SUCLG2: variants seen among roughly 807,000 people sequenced by gnomAD.
The protein encoded by SUCLG2 is succinate-CoA ligase GDP-forming subunit beta.
A neutral mutation model predicts 47.9 loss-of-function variants in SUCLG2; 42 were observed. The observed-to-expected ratio is 0.88, with a 90% confidence interval of 0.69 to 1.14. The LOEUF is 1.14. Among genes scored for constraint, SUCLG2 ranks in the 50% most tolerant of loss-of-function variants. SUCLG2 has a pLI of 0.00. For synonymous variants in SUCLG2, 195 were observed against 197.3 expected (o/e 0.99, Z 0.10); for missense variants, 571 against 525.9 (o/e 1.09, Z -0.84).
At chr3:67,494,064 A>G (rs943106795) in intron 9 of SUCLG2, among the ~76,000 whole-genome samples, 1 of 152,212 alleles carries the variant, frequency 6.6e-6, no homozygotes, top group Admixed American at 6.5e-5. Flanking sequence ...CAAAAACATA[A>G]GGCCACCAAC....
At chr3:67,577,907 T>A (rs1051204628) in intron 2 of SUCLG2, among the ~76,000 whole-genome samples, 2 of 152,202 alleles carry the variant, frequency 1.3e-5, no homozygotes, top group Non-Finnish European at 2.9e-5. Flanking sequence ...TCAGGAAGGA[T>A]ACCCTCTCAA....
chr3:67,646,120 G>A (rs925133137), intron 1 of SUCLG2, among the ~76,000 whole-genome samples: 4 of 148,456 alleles, frequency 2.7e-5, no homozygotes, highest in African/African-American at 9.9e-5. Flanking sequence ...AGAGGGGAGG[G>A]GAGGGGAGAA....
At chr3:67,543,101 G>A (rs2107178504) in intron 2 of SUCLG2, among the ~76,000 whole-genome samples, 1 of 152,252 alleles carries the variant, frequency 6.6e-6, no homozygotes, top group East Asian at 1.9e-4. Context: ...CAAAAGAATG[G>A]AAATCATAAC....
chr3:67,500,833 T>C (rs951845049), intron 7 of SUCLG2, among the ~76,000 whole-genome samples: 5 of 152,154 alleles, frequency 3.3e-5, no homozygotes, highest in Non-Finnish European at 5.9e-5. Context: ...TTGGTTGAGA[T>C]CAATAAACAA....
At chr3:67,523,291 A>G (rs1482649933) in intron 4 of SUCLG2, among the ~76,000 whole-genome samples, 1 of 152,216 alleles carries the variant, frequency 6.6e-6, no homozygotes, top group Non-Finnish European at 1.5e-5. Context: ...TGAATTTACC[A>G]TTAGTTAAAA....
chr3:67,609,351 C>T, intron 2 of SUCLG2, 104 bp downstream of exon 2: 1 of 1,351,618 alleles, frequency 7.4e-7, no homozygotes, highest in Non-Finnish European at 1.0e-6. Flanking sequence ...GTATCTGTCC[C>T]TGTCAGTTTA....
intron 1 of SUCLG2, among the ~76,000 whole-genome samples, chr3:67,630,476 T>C (rs547740984): frequency 4.7e-4 from 72 of 152,372 alleles, no homozygotes; most frequent in Middle Eastern, 6.8e-3. Context: ...ATGTGTAGGA[T>C]AAATGATTTA....
At position 67,422,473 on chromosome 3, in the gene SUCLG2, CAAAAAAAAAAA is replaced by C. The variant is rs58345420; in HGVS notation, c.1063-21633_1063-21623del. 5.3e-3 allele frequency among the ~76,000 whole-genome samples: 162 copies of C among 30,656 alleles called. 3 individuals carry two copies. Among genetic ancestry groups the C allele is most frequent in the African/African-American group, 0.021 (143 of 6,950 alleles). 20.1% of individuals were successfully genotyped at this position (30,656 alleles called of 152,430 possible). On this transcript the variant is annotated intron_variant, in intron 9 of 10. Transcript: ENST00000307227. Reference sequence around the variant, plus strand: ...CTGGTGACAGAGCGAGACTCCATCTCAAAAAAAAAAAAAAAAAAAAAAAAAAAAAAGAACAT... The same window carrying C: ...CTGGTGACAGAGCGAGACTCCATCTCAAAAAAAAAAAAAAAAAAAGAACAT...
chr3:67,442,675 T>C (rs546047044), intron 9 of SUCLG2, among the ~76,000 whole-genome samples: 7 of 152,328 alleles, frequency 4.6e-5, no homozygotes, highest in East Asian at 3.9e-4. Flanking sequence ...TGCCAACCCA[T>C]ACAAATGTAA....
intron 10 of SUCLG2, among the ~76,000 whole-genome samples, chr3:67,384,655 T>G (rs1460890998): frequency 6.6e-6 from 1 of 152,208 alleles, no homozygotes; most frequent in African/African-American, 2.4e-5. Flanking sequence ...ACTTCTGACT[T>G]GATATAGTGG....
At chr3:67,385,957 G>A (rs1437480418) in intron 10 of SUCLG2, among the ~76,000 whole-genome samples, 1 of 152,156 alleles carries the variant, frequency 6.6e-6, no homozygotes, top group South Asian at 2.1e-4. Flanking sequence ...AAGGAACACC[G>A]TGGGATCAGG....
chr3:67,600,747 A>G (rs894565464), intron 2 of SUCLG2, among the ~76,000 whole-genome samples: 1 of 152,200 alleles, frequency 6.6e-6, no homozygotes, highest in Non-Finnish European at 1.5e-5. Context: ...TTCTACATGC[A>G]ATCCTCCATG....
chr3:67,456,704 A>T (rs1383602881), intron 9 of SUCLG2, among the ~76,000 whole-genome samples: 2 of 152,232 alleles, frequency 1.3e-5, no homozygotes, highest in Non-Finnish European at 2.9e-5. Flanking sequence ...ACTATAAATA[A>T]TGCAAGGTTT....
At chr3:67,426,159 T>C (rs181435183) in intron 9 of SUCLG2, among the ~76,000 whole-genome samples, 81 of 152,192 alleles carry the variant, frequency 5.3e-4, no homozygotes, top group African/African-American at 1.9e-3. Flanking sequence ...AATGTTTGCT[T>C]TTTCTTGAGC....
At chr3:67,627,585 T>C (rs1486103657) in intron 1 of SUCLG2, among the ~76,000 whole-genome samples, 1 of 152,250 alleles carries the variant, frequency 6.6e-6, no homozygotes, top group Non-Finnish European at 1.5e-5. Context: ...CTGATAATCC[T>C]GCAAATTACT....
chr3:67,532,351 G>C (rs529128133), intron 2 of SUCLG2, among the ~76,000 whole-genome samples: 2 of 152,106 alleles, frequency 1.3e-5, no homozygotes, highest in Non-Finnish European at 2.9e-5. Flanking sequence ...GCTCCAGCTG[G>C]TCTCAAACTC....
intron 6 of SUCLG2, among the ~76,000 whole-genome samples, chr3:67,511,149 AG>A (rs11293491): frequency 0.26 from 38,763 of 151,816 alleles, 8,007 homozygotes; most frequent in African/African-American, 0.55. Context: ...AGCCTCCCAA[AG>A]GTGCTGGGAT....
At chr3:67,624,770 G>A (rs1700794165) in intron 1 of SUCLG2, among the ~76,000 whole-genome samples, 1 of 152,070 alleles carries the variant, frequency 6.6e-6, no homozygotes, top group African/African-American at 2.4e-5. Context: ...TAGATATCAT[G>A]AAAAGGAAAC....
intron 9 of SUCLG2, among the ~76,000 whole-genome samples, chr3:67,451,853 G>C (rs1471802721): frequency 1.3e-5 from 2 of 152,074 alleles, no homozygotes; most frequent in Non-Finnish European, 1.5e-5. Flanking sequence ...GGGGGGCTGG[G>C]GAAGAACCTG....
Sources: allele counts gnomAD v4.1 joint callset (sites outside exome capture counted in the v4.1 genomes callset), GRCh38; gene constraint gnomAD v4.1.1; transcripts MANE v1.5; gene names NCBI Gene and HGNC (gene_info 2026-07-23, HGNC 2026-07-21).